Variants in DNAH14 observed in about 807,000 individuals in gnomAD.
The protein encoded by DNAH14 is axonemal beta dynein heavy chain 14.
Under a neutral mutation model 520.9 loss-of-function variants are expected in DNAH14, and 478 were observed. That is an observed-to-expected ratio of 0.92 (90% CI 0.85 to 0.99). The LOEUF (loss-of-function observed/expected upper bound fraction) is 0.99. Ranked by LOEUF, DNAH14 falls within the 50% of genes least tolerant of loss-of-function variation. The pLI is 0.00. For missense variants in DNAH14, 4,831 were observed against 5,234.5 expected, an observed-to-expected ratio of 0.92 and a Z score of 2.38; for synonymous variants, 1,581 against 1,757.2, an observed-to-expected ratio of 0.90 and a Z score of 2.51.
chr1:224,938,021 C>G (rs954460915), intron 1 of DNAH14, among the ~76,000 whole-genome samples: 1 of 152,108 alleles, frequency 6.6e-6, no homozygotes, highest in African/African-American at 2.4e-5. Context: ...AACTGGACCC[C>G]TATCTCTCAC....
intron 60 of DNAH14, among the ~76,000 whole-genome samples, chr1:225,313,092 T>C (rs2094401017): frequency 6.6e-6 from 1 of 152,206 alleles, no homozygotes; most frequent in Non-Finnish European, 1.5e-5. Flanking sequence ...TTTCAGTTGG[T>C]AGGCTATTAA....
intron 36 of DNAH14, among the ~76,000 whole-genome samples, chr1:225,174,055 G>A (rs955088780): frequency 6.6e-6 from 1 of 152,020 alleles, no homozygotes; most frequent in African/African-American, 2.4e-5. Flanking sequence ...GGTGGGAATT[G>A]AACAATGAGA....
intron 3 of DNAH14, among the ~76,000 whole-genome samples, chr1:224,956,519 C>A (rs1180718244): frequency 3.3e-5 from 5 of 152,030 alleles, no homozygotes; most frequent in Non-Finnish European, 7.4e-5. Context: ...TTCCATATAG[C>A]CTTGGTGTGT....
intron 42 of DNAH14, among the ~76,000 whole-genome samples, chr1:225,235,909 G>A (rs1243498375): frequency 6.6e-6 from 1 of 151,864 alleles, no homozygotes; most frequent in African/African-American, 2.4e-5. Context: ...TCTGATTGTG[G>A]CTATTTGATT....
chr1:225,259,105 G>A lies in DNAH14; in HGVS notation c.7025-16G>A. 1.3e-6 allele frequency: 2 copies of A among 1,536,246 alleles called. No individual in the cohort carries two copies. The highest frequency in any genetic ancestry group is 1.8e-6 in the Non-Finnish European group (2 of 1,142,496). On this transcript the variant is annotated splice_polypyrimidine_tract_variant and intron_variant, in intron 45 of 85. Transcript: ENST00000682510. ...TTCTTGCATATACATCTAACCTTGTGTATTTTTTCCCTTAGGAGAATCTGG... is the reference window on the plus strand; with the variant it reads ...TTCTTGCATATACATCTAACCTTGTATATTTTTTCCCTTAGGAGAATCTGG...
chr1:225,379,519 CCTTTT>C (rs2095752544), intron 79 of DNAH14, among the ~76,000 whole-genome samples: 1 of 151,806 alleles, frequency 6.6e-6, no homozygotes, highest in Admixed American at 6.6e-5. Flanking sequence ...ATTTTCCTTT[CCTTTT>C]CTTTTTTTAA....
At chr1:225,256,001 T>C (rs1171830629) in intron 44 of DNAH14, among the ~76,000 whole-genome samples, 2 of 152,200 alleles carry the variant, frequency 1.3e-5, no homozygotes, top group Non-Finnish European at 2.9e-5. Context: ...TAAAATCCAA[T>C]TTTTAACTCA....
At chr1:225,310,436 T>C (rs993066502) in intron 60 of DNAH14, among the ~76,000 whole-genome samples, 2 of 152,192 alleles carry the variant, frequency 1.3e-5, no homozygotes, top group African/African-American at 4.8e-5. Flanking sequence ...CACACACTCC[T>C]ATAATACTCT....
intron 17 of DNAH14, among the ~76,000 whole-genome samples, chr1:225,074,520 G>A (rs2072001446): frequency 6.6e-6 from 1 of 152,152 alleles, no homozygotes; most frequent in Non-Finnish European, 1.5e-5. Flanking sequence ...GAATGGCTAA[G>A]GGGCCCAAAC....
chr1:225,349,986 G>T (rs754289384), intron 71 of DNAH14, among the ~76,000 whole-genome samples: 1 of 152,096 alleles, frequency 6.6e-6, no homozygotes. Context: ...CCCAATAACA[G>T]CAGGATATAC....
In DNAH14 at chr1:225,322,674, C is replaced by A. The variant is rs1385345055; in HGVS notation, c.9346C>A (p.Arg3116=). 1 of 1,538,594 alleles carries A rather than the reference C, an allele frequency of 6.5e-7. No homozygotes were observed. Among genetic ancestry groups the A allele is most frequent in the Non-Finnish European group, 8.8e-7 (1 of 1,136,966 alleles). Reference sequence around the variant, plus strand: ...CATCATCTATTACAGAGTATACACACGGCCTCCCTTCCTTGTACTGACTGT... The same window carrying A: ...CATCATCTATTACAGAGTATACACAAGGCCTCCCTTCCTTGTACTGACTGT... ...ADVAELRVYT[R]PPFLVLTVMN... The change falls in exon 62 of 86, where the codon CGG becomes AGG. Residue 3116 remains arginine (R), a synonymous_variant. Coordinates refer to ENST00000682510, the MANE Select transcript of DNAH14 (RefSeq NM_001367479.1).
intron 58 of DNAH14, 77 bp from the exon 59 acceptor site, chr1:225,307,384 C>A: frequency 1.9e-6 from 2 of 1,054,186 alleles, no homozygotes; most frequent in Non-Finnish European, 1.4e-6. Flanking sequence ...TGGTGTAATT[C>A]TTTTTATATA....
chr1:225,219,076 T>C (rs2149496349), intron 41 of DNAH14, among the ~76,000 whole-genome samples: 1 of 150,276 alleles, frequency 6.7e-6, no homozygotes, highest in Middle Eastern at 3.4e-3. Context: ...ACGAAATTAT[T>C]AGCTAGGTAA....
At chr1:225,151,764 A>G in intron 31 of DNAH14, 1 of 623,372 alleles carries the variant, frequency 1.6e-6, no homozygotes, top group Non-Finnish European at 2.8e-6. Context: ...TTCCAGCCTC[A>G]GGTCCCAGAA....
intron 81 of DNAH14, among the ~76,000 whole-genome samples, chr1:225,384,535 A>G (rs1202404090): frequency 1.3e-5 from 2 of 152,202 alleles, no homozygotes; most frequent in Non-Finnish European, 2.9e-5. Flanking sequence ...ATAAAAAATG[A>G]TAAAGGGGAT....
rs1414668699 is a variant in DNAH14, at chr1:225,338,085, G to A, written c.10336G>A (p.Gly3446Ser). The A allele has an allele frequency of 1.9e-6, 3 of 1,549,558 alleles. No individual in the cohort carries two copies. In the Admixed American group the frequency reaches 5.9e-5, roughly 31 times the overall value. ...GAATCTCCTTGAGACATTAGCTCCAGGCTTAAAGGCAATTCTGAAAAAGGA... is the reference window on the plus strand; with the variant it reads ...GAATCTCCTTGAGACATTAGCTCCAAGCTTAAAGGCAATTCTGAAAAAGGA... ...LQNLLETLAP[G>S]LKAILKKDIY... is the part of the protein sequence containing the mutation. The change falls in exon 68 of 86, where the codon GGC becomes AGC. Residue 3446 changes from glycine to serine, a missense_variant. Physicochemically the swap from Gly to Ser is moderately conservative, Grantham distance 56 (BLOSUM62 0). Transcript: ENST00000682510.
intron 43 of DNAH14, chr1:225,250,855 G>A (rs1477379635): frequency 1.9e-5 from 8 of 420,590 alleles, no homozygotes; most frequent in Non-Finnish European, 3.5e-5. Flanking sequence ...GGTGATTAGG[G>A]TAAGTATATC....
chr1:225,340,180 G>A (rs1048962350), intron 68 of DNAH14, among the ~76,000 whole-genome samples: 3 of 151,914 alleles, frequency 2.0e-5, no homozygotes, highest in African/African-American at 7.3e-5. Flanking sequence ...TGATCTAGTG[G>A]CAAGTCAAAA....
At chr1:225,128,463 C>T (rs2078006978) in intron 27 of DNAH14, among the ~76,000 whole-genome samples, 1 of 152,096 alleles carries the variant, frequency 6.6e-6, no homozygotes, top group South Asian at 2.1e-4. Flanking sequence ...AAAAGCTTCT[C>T]CACCATGATC....
Sources: gnomAD v4.1 joint callset for allele counts (sites outside exome capture counted in the v4.1 genomes callset) on GRCh38, gnomAD v4.1.1 for gene constraint, MANE v1.5 for transcripts, NCBI Gene and HGNC (gene_info 2026-07-23, HGNC 2026-07-21) for gene names.